EXOSC4: variants seen among roughly 807,000 people sequenced by gnomAD.
EXOSC4 encodes exosome complex component RRP41.
In EXOSC4, 14 loss-of-function variants were observed where a neutral mutation model predicts 20.0. That is an observed-to-expected ratio of 0.70 (90% CI 0.46 to 1.09). The LOEUF is 1.09. EXOSC4 is among the 50% of genes least tolerant of loss of function. The pLI, the probability that EXOSC4 is intolerant of heterozygous loss-of-function variation, is 0.00. For synonymous variants in EXOSC4, 148 were observed against 146.4 expected (o/e 1.01, Z -0.08); for missense variants, 337 against 334.0 (o/e 1.01, Z -0.07).
upstream of EXOSC4, among the ~76,000 whole-genome samples, chr8:144,076,716 T>C (rs1309323027): frequency 2.0e-5 from 3 of 152,164 alleles, no homozygotes; most frequent in African/African-American, 7.2e-5. Context: ...CTACGGTCAA[T>C]GCTACACAAC....
chr8:144,077,410 C>T (rs1440012855), upstream of EXOSC4, among the ~76,000 whole-genome samples: 2 of 152,134 alleles, frequency 1.3e-5, no homozygotes, highest in African/African-American at 2.4e-5. Flanking sequence ...GGTGGTGACC[C>T]ATCATGGCCT....
the EXOSC4 span, among the ~76,000 whole-genome samples, chr8:144,068,494 C>T: frequency 2.0e-5 from 3 of 152,238 alleles, no homozygotes; most frequent in African/African-American, 7.2e-5. Flanking sequence ...TGGAATCTGA[C>T]TGGCCTGTGC....
At chr8:144,079,631 T>C (rs1294430119) in intron 1 of EXOSC4, 10 of 493,712 alleles carry the variant, frequency 2.0e-5, no homozygotes, top group Non-Finnish European at 3.8e-5. Context: ...TGGGATCTTA[T>C]TTCATATGTA....
At chr8:144,077,531 C>T (rs1835847258), upstream of EXOSC4, among the ~76,000 whole-genome samples, 1 of 152,114 alleles carries the variant, frequency 6.6e-6, no homozygotes, top group South Asian at 2.1e-4. Flanking sequence ...GAACTTGGGC[C>T]CCTGCAGCAG....
chr8:144,066,895 C>T, the EXOSC4 span, among the ~76,000 whole-genome samples: 2 of 151,924 alleles, frequency 1.3e-5, no homozygotes. Flanking sequence ...TGAGGCCAGC[C>T]GGACCAACGT....
At chr8:144,064,654 G>A in the EXOSC4 span, among the ~76,000 whole-genome samples, 4 of 152,180 alleles carry the variant, frequency 2.6e-5, no homozygotes, top group Admixed American at 2.6e-4. Context: ...CAGGTGCCCT[G>A]GAAGAGGCAC....
chr8:144,074,846 T>A (rs1487204440), upstream of EXOSC4, among the ~76,000 whole-genome samples: 1 of 151,932 alleles, frequency 6.6e-6, no homozygotes, highest in Non-Finnish European at 1.5e-5. Flanking sequence ...AGTGTTGGAT[T>A]ACAGGCACGA....
chr8:144,076,816 G>A (rs782004044), upstream of EXOSC4, among the ~76,000 whole-genome samples: 1 of 152,188 alleles, frequency 6.6e-6, no homozygotes, highest in Non-Finnish European at 1.5e-5. Flanking sequence ...ATGGCCATGC[G>A]TGGTGGCGGG....
upstream of EXOSC4, among the ~76,000 whole-genome samples, chr8:144,075,869 T>C (rs1835831827): frequency 6.6e-6 from 1 of 152,256 alleles, no homozygotes; most frequent in Non-Finnish European, 1.5e-5. Context: ...CTTTTCTCAC[T>C]ATTCACTTAG....
the EXOSC4 span, among the ~76,000 whole-genome samples, chr8:144,071,538 C>G: frequency 6.7e-6 from 1 of 149,036 alleles, no homozygotes; most frequent in African/African-American, 2.5e-5. Context: ...AACTCCTGAC[C>G]TCCCGCCTTG....
chr8:144,067,865 G>C, the EXOSC4 span, among the ~76,000 whole-genome samples: 1 of 152,340 alleles, frequency 6.6e-6, no homozygotes, highest in Non-Finnish European at 1.5e-5. Context: ...AATTAGCCGG[G>C]CATGGTGGCA....
upstream of EXOSC4, among the ~76,000 whole-genome samples, chr8:144,073,735 C>T (rs1554762405): frequency 1.3e-5 from 2 of 151,978 alleles, no homozygotes. Flanking sequence ...CCTGTAATCC[C>T]AGCTACTTAG....
At chr8:144,065,324 G>A in the EXOSC4 span, among the ~76,000 whole-genome samples, 5 of 152,058 alleles carry the variant, frequency 3.3e-5, no homozygotes, top group South Asian at 4.1e-4. Flanking sequence ...CTGGCTACTC[G>A]AGTGGAGCCA....
the EXOSC4 span, among the ~76,000 whole-genome samples, chr8:144,067,353 A>C: frequency 1.3e-5 from 2 of 152,308 alleles, no homozygotes; most frequent in East Asian, 3.9e-4. Flanking sequence ...CTTCCAAAGG[A>C]TGGGTCTCTT....
At chr8:144,070,013 C>G in the EXOSC4 span, among the ~76,000 whole-genome samples, 1 of 152,220 alleles carries the variant, frequency 6.6e-6, no homozygotes, top group Non-Finnish European at 1.5e-5. Context: ...TCCGCCCGGG[C>G]GTGCCCAAAG....
intron 1 of EXOSC4, chr8:144,079,442 G>A (rs1470309595): frequency 1.2e-5 from 4 of 324,700 alleles, no homozygotes; most frequent in African/African-American, 8.6e-5. Context: ...CATGAGTGTG[G>A]GAGCTCTGCT....
In EXOSC4 at chr8:144,079,024, A is replaced by G; in HGVS notation, c.171+125A>G. On this transcript the variant is annotated intron_variant, in intron 1 of 2. Coordinates refer to ENST00000316052, the MANE Select transcript of EXOSC4 (RefSeq NM_019037.3). The stretch of plus-strand genomic sequence containing the variant: ...GCCTCAGTCTACACAGCCGATGCTC[A>G]GCACCGCATCTCACTCGGAGTAAAC... 2.7e-6 allele frequency: 3 copies of G among 1,109,568 alleles called. 1 individual carries two copies. The highest frequency in any genetic ancestry group is 4.1e-5 in the Admixed American group (1 of 24,452). 68.7% of individuals were successfully genotyped at this position (1,109,568 alleles called of 1,614,324 possible). A position where few individuals can be genotyped will look rare whatever the true frequency, so the allele number is the denominator to read the frequency against.
At chr8:144,076,253 T>C (rs1456347182), upstream of EXOSC4, among the ~76,000 whole-genome samples, 1 of 152,346 alleles carries the variant, frequency 6.6e-6, no homozygotes, top group East Asian at 1.9e-4. Flanking sequence ...GGAGAGGACG[T>C]GGCCAGCTCA....
At chr8:144,068,395 C>T in the EXOSC4 span, among the ~76,000 whole-genome samples, 1 of 152,200 alleles carries the variant, frequency 6.6e-6, no homozygotes, top group Non-Finnish European at 1.5e-5. Flanking sequence ...TAAACCTCGC[C>T]ATTCTTCAGT....
Sources: gnomAD v4.1 joint callset for allele counts (sites outside exome capture counted in the v4.1 genomes callset) on GRCh38, gnomAD v4.1.1 for gene constraint, MANE v1.5 for transcripts, NCBI Gene and HGNC (gene_info 2026-07-23, HGNC 2026-07-21) for gene names.